HPSE2: variants seen among roughly 807,000 people sequenced by gnomAD.
HPSE2 encodes heparanase 2 (inactive).
Under a neutral mutation model 60.5 loss-of-function variants are expected in HPSE2, and 38 were observed. That is an observed-to-expected ratio of 0.63 (90% CI 0.48 to 0.82). The LOEUF is 0.82. Ranked by LOEUF, HPSE2 falls within the 40% of genes least tolerant of loss-of-function variation. The pLI is 0.00. For synonymous variants in HPSE2, 295 were observed against 293.2 expected, an observed-to-expected ratio of 1.01 and a Z score of -0.06; for missense variants, 713 against 740.4, an observed-to-expected ratio of 0.96 and a Z score of 0.43.
intron 3 of HPSE2, among the ~76,000 whole-genome samples, chr10:98,744,821 A>C (rs577498776): frequency 6.6e-6 from 1 of 152,344 alleles, no homozygotes; most frequent in East Asian, 1.9e-4. Flanking sequence ...CTTGGAAAAT[A>C]GCTCAGCCTA....
chr10:99,140,943 A>G (rs1845844727), intron 3 of HPSE2, among the ~76,000 whole-genome samples: 1 of 152,198 alleles, frequency 6.6e-6, no homozygotes, highest in African/African-American at 2.4e-5. Flanking sequence ...AGGCTGAGGC[A>G]GAAGAATCGC....
At chr10:99,013,462 A>T (rs1434193126) in intron 3 of HPSE2, 7 of 435,040 alleles carry the variant, frequency 1.6e-5, no homozygotes, top group Non-Finnish European at 2.6e-5. Flanking sequence ...AATGTATATT[A>T]TTATGATTAT....
chr10:99,094,536 A>ATTTTTTTTTTTTTTTTTTTTTTTTTTT (rs1843640676), intron 3 of HPSE2, among the ~76,000 whole-genome samples: 1 of 20,478 alleles, frequency 4.9e-5, no homozygotes, highest in African/African-American at 1.4e-4. Flanking sequence ...ATATATATAT[A>ATTTTTTTTTTTTTTTTTTTTTTTTTTT]TATATTTTTT....
intron 3 of HPSE2, among the ~76,000 whole-genome samples, chr10:99,053,421 A>G (rs1958035831): frequency 6.6e-6 from 1 of 152,144 alleles, no homozygotes; most frequent in African/African-American, 2.4e-5. Flanking sequence ...AAACATTTAA[A>G]GATTTGATTA....
intron 3 of HPSE2, among the ~76,000 whole-genome samples, chr10:98,874,722 AT>A (rs573598708): frequency 1.4e-3 from 215 of 152,172 alleles, no homozygotes; most frequent in Non-Finnish European, 2.4e-3. Flanking sequence ...ACTTTTGCCC[AT>A]TCAGTGTGAT....
At chr10:98,931,479 A>G (rs1349137332) in intron 3 of HPSE2, among the ~76,000 whole-genome samples, 1 of 144,004 alleles carries the variant, frequency 6.9e-6, no homozygotes, top group Non-Finnish European at 1.5e-5. Flanking sequence ...TATAAATTTT[A>G]AAAGTTTTTT....
chr10:98,846,386 G>C (rs896938416), intron 3 of HPSE2, among the ~76,000 whole-genome samples: 2 of 152,228 alleles, frequency 1.3e-5, no homozygotes, highest in African/African-American at 4.8e-5. Context: ...CCTGGGTTTT[G>C]AAGTTTGTGA....
chr10:98,549,428 A>C (rs2133848744), intron 9 of HPSE2, among the ~76,000 whole-genome samples: 1 of 152,284 alleles, frequency 6.6e-6, no homozygotes, highest in Non-Finnish European at 1.5e-5. Flanking sequence ...GGCCTCCTTC[A>C]GAAGTTCACT....
chr10:98,846,117 T>C (rs1269969049), intron 3 of HPSE2, among the ~76,000 whole-genome samples: 1 of 152,220 alleles, frequency 6.6e-6, no homozygotes, highest in African/African-American at 2.4e-5. Flanking sequence ...TTCAGGGGAA[T>C]ATGATATTAT....
At chr10:99,309,053 G>A in the HPSE2 span, among the ~76,000 whole-genome samples, 108 of 152,228 alleles carry the variant, frequency 7.1e-4, no homozygotes, top group African/African-American at 2.6e-3. Flanking sequence ...ACAAGAAAAG[G>A]GTTAAGTGAA....
At chr10:98,976,968 C>T (rs1319381005) in intron 3 of HPSE2, among the ~76,000 whole-genome samples, 2 of 152,088 alleles carry the variant, frequency 1.3e-5, no homozygotes, top group African/African-American at 4.8e-5. Context: ...TGGAGTGATG[C>T]ACCCACAAGC....
intron 3 of HPSE2, among the ~76,000 whole-genome samples, chr10:98,773,270 G>C (rs1277788773): frequency 6.6e-6 from 1 of 152,148 alleles, no homozygotes; most frequent in African/African-American, 2.4e-5. Flanking sequence ...GATCCTGTGG[G>C]TTCCTTTCTC....
intron 9 of HPSE2, among the ~76,000 whole-genome samples, chr10:98,571,689 T>G (rs1338966787): frequency 2.6e-5 from 4 of 152,146 alleles, no homozygotes; most frequent in African/African-American, 9.7e-5. Context: ...ACTGATGTAT[T>G]TCATGAGATT....
rs575338621 is a variant in HPSE2, at chr10:98,938,570, T to A, written c.611-194514A>T. On this transcript the variant is annotated intron_variant, in intron 3 of 11. Transcript: ENST00000370552. The stretch of plus-strand genomic sequence containing the variant: ...AATAAAAACAAACAAAGCCTCCAAG[T>A]AATATGGGACTATGTGAAAAGACCA... Among the ~76,000 whole-genome samples, 468 of 143,702 alleles carry A rather than the reference T, an allele frequency of 3.3e-3. 40 individuals are homozygous for A. Among genetic ancestry groups the A allele is most frequent in the Middle Eastern group, 7.0e-3 (2 of 284 alleles). 94.3% of individuals were successfully genotyped at this position (143,702 alleles called of 152,430 possible).
intron 6 of HPSE2, among the ~76,000 whole-genome samples, chr10:98,671,322 C>A (rs1947501282): frequency 6.6e-6 from 1 of 152,156 alleles, no homozygotes; most frequent in Non-Finnish European, 1.5e-5. Flanking sequence ...AGAGCCAAGT[C>A]AAATGGTCTC....
chr10:98,488,255 A>G (rs1031040276), intron 10 of HPSE2, among the ~76,000 whole-genome samples: 6 of 152,194 alleles, frequency 3.9e-5, no homozygotes, highest in Admixed American at 1.3e-4. Flanking sequence ...CCACCATACC[A>G]TTTCCTTCTG....
chr10:98,950,921 A>T (rs1955336767), intron 3 of HPSE2, among the ~76,000 whole-genome samples: 1 of 152,150 alleles, frequency 6.6e-6, no homozygotes, highest in African/African-American at 2.4e-5. Flanking sequence ...TATTGGTACC[A>T]CTGTTTACAC....
chr10:98,627,339 G>T (rs911095133), intron 7 of HPSE2, among the ~76,000 whole-genome samples: 6 of 152,118 alleles, frequency 3.9e-5, no homozygotes, highest in African/African-American at 1.2e-4. Context: ...AGCCAATCAT[G>T]GTGGCTTGTG....
chr10:98,819,523 G>T (rs1246778259), intron 3 of HPSE2, among the ~76,000 whole-genome samples: 2 of 151,290 alleles, frequency 1.3e-5, no homozygotes, highest in African/African-American at 4.9e-5. Flanking sequence ...TCCCATAAGG[G>T]TAAGATAATT....
Sources: allele counts gnomAD v4.1 joint callset (sites outside exome capture counted in the v4.1 genomes callset), GRCh38; gene constraint gnomAD v4.1.1; transcripts MANE v1.5; gene names NCBI Gene and HGNC (gene_info 2026-07-23, HGNC 2026-07-21).